KDM4C: variants seen among roughly 807,000 people sequenced by gnomAD.
The protein encoded by KDM4C is lysine demethylase 4C, also known as lysine-specific demethylase 4C.
Under a neutral mutation model 129.3 loss-of-function variants are expected in KDM4C, and 81 were observed. The observed-to-expected ratio is 0.63, with a 90% CI of 0.52 to 0.75. The LOEUF is 0.75. Ranked by LOEUF, KDM4C falls within the 30% of genes least tolerant of loss-of-function variation. KDM4C has a pLI of 0.00. For missense variants in KDM4C, 1,457 were observed against 1,304.0 expected, an observed-to-expected ratio of 1.12 and a Z score of -1.81; for synonymous variants, 573 against 456.1, an observed-to-expected ratio of 1.26 and a Z score of -3.26.
chr9:7,012,028 A>G (rs1822808140), intron 13 of KDM4C, 149 bp downstream of exon 13: 1 of 623,374 alleles, frequency 1.6e-6, no homozygotes, highest in Non-Finnish European at 2.8e-6. Flanking sequence ...AGAACCACAA[A>G]CAGTTTCTAC....
chr9:6,871,336 T>G (rs544823405), intron 5 of KDM4C, among the ~76,000 whole-genome samples: 1 of 152,364 alleles, frequency 6.6e-6, no homozygotes, highest in African/African-American at 2.4e-5. Context: ...GGGCTATATC[T>G]GTTTATGTTT....
intron 5 of KDM4C, among the ~76,000 whole-genome samples, chr9:6,867,725 G>A (rs1842261840): frequency 6.6e-6 from 1 of 152,116 alleles, no homozygotes; most frequent in African/African-American, 2.4e-5. Flanking sequence ...CCTGTGTCAG[G>A]TATTGAGCTA....
intron 5 of KDM4C, among the ~76,000 whole-genome samples, chr9:6,854,538 A>AC (rs946906350): frequency 9.6e-5 from 14 of 146,096 alleles, no homozygotes; most frequent in African/African-American, 3.7e-4. Flanking sequence ...AAAAAAAAAA[A>AC]AAAAAAACAA....
intron 8 of KDM4C, among the ~76,000 whole-genome samples, chr9:6,913,427 A>C (rs1381390100): frequency 6.6e-6 from 1 of 152,246 alleles, no homozygotes; most frequent in Non-Finnish European, 1.5e-5. Flanking sequence ...CTAGTTTGCA[A>C]AATGGGCTTT....
chr9:7,120,532 T>A (rs1839379902), intron 18 of KDM4C, among the ~76,000 whole-genome samples: 1 of 152,182 alleles, frequency 6.6e-6, no homozygotes, highest in Non-Finnish European at 1.5e-5. Flanking sequence ...TAGTAATGAA[T>A]TCCAAAAAGA....
chr9:6,777,175 G>A (rs934164019), intron 1 of KDM4C, among the ~76,000 whole-genome samples: 76 of 152,164 alleles, frequency 5.0e-4, no homozygotes, highest in African/African-American at 1.7e-3. Flanking sequence ...AATTTAGGCA[G>A]CTATCTGGGA....
chr9:7,122,265 A>ACACTCTCTCTCT (rs375655422), intron 18 of KDM4C, among the ~76,000 whole-genome samples: 3 of 144,822 alleles, frequency 2.1e-5, no homozygotes, highest in African/African-American at 7.8e-5. Flanking sequence ...ACACACACAC[A>ACACTCTCTCTCT]CTCTCTCTCT....
intron 18 of KDM4C, among the ~76,000 whole-genome samples, chr9:7,119,744 A>G (rs1839295342): frequency 6.6e-6 from 1 of 152,166 alleles, no homozygotes; most frequent in Admixed American, 6.5e-5. Context: ...GTAGGGCTTC[A>G]CAAAGTAGCC....
chr9:6,993,709 A>G (rs543776274), intron 12 of KDM4C, among the ~76,000 whole-genome samples: 5 of 152,248 alleles, frequency 3.3e-5, no homozygotes, highest in South Asian at 2.1e-4. Flanking sequence ...AACGTACTAG[A>G]TGTGATGAAC....
chr9:6,904,531 C>T (rs1437174772), intron 8 of KDM4C, among the ~76,000 whole-genome samples: 1 of 151,694 alleles, frequency 6.6e-6, no homozygotes, highest in Non-Finnish European at 1.5e-5. Flanking sequence ...TGTTTGCATT[C>T]CCTGGGTGCA....
At chr9:6,988,141 TGA>T (rs1330985137) in intron 11 of KDM4C, among the ~76,000 whole-genome samples, 3 of 116,782 alleles carry the variant, frequency 2.6e-5, no homozygotes, top group African/African-American at 1.0e-4. Flanking sequence ...GGTGACAGAG[TGA>T]GAGACCCTGT....
chr9:7,092,707 T>C (rs1025973237), intron 17 of KDM4C, among the ~76,000 whole-genome samples: 7 of 152,136 alleles, frequency 4.6e-5, no homozygotes, highest in Non-Finnish European at 8.8e-5. Flanking sequence ...GACTGGGTAA[T>C]CTTCATCTTT....
At chr9:6,927,446 T>G (rs1051663755) in intron 8 of KDM4C, among the ~76,000 whole-genome samples, 1 of 152,202 alleles carries the variant, frequency 6.6e-6, no homozygotes, top group African/African-American at 2.4e-5. Flanking sequence ...TTCTAACATT[T>G]ATTCCATATA....
At chr9:7,052,537 G>C (rs1830288134) in intron 17 of KDM4C, among the ~76,000 whole-genome samples, 1 of 152,118 alleles carries the variant, frequency 6.6e-6, no homozygotes, top group African/African-American at 2.4e-5. Flanking sequence ...TCACACACAT[G>C]TCTGCATATT....
chr9:6,905,769 T>C (rs1024461011), intron 8 of KDM4C, among the ~76,000 whole-genome samples: 8 of 152,162 alleles, frequency 5.3e-5, no homozygotes, highest in Admixed American at 2.0e-4. Flanking sequence ...GTTATTGAGA[T>C]GGAAGGTGTC....
intron 15 of KDM4C, among the ~76,000 whole-genome samples, chr9:7,045,353 ACATCTTCATGTAT>A (rs1759227354): frequency 1.3e-5 from 2 of 152,032 alleles, no homozygotes; most frequent in Admixed American, 6.6e-5. Context: ...TTTGAAACTA[ACATCTTCATGTAT>A]ACAACGAAAG....
intron 1 of KDM4C, among the ~76,000 whole-genome samples, chr9:6,722,239 TG>T (rs1816979166): frequency 6.6e-6 from 1 of 152,136 alleles, no homozygotes; most frequent in Admixed American, 6.6e-5. Flanking sequence ...GATCTTGTAG[TG>T]CATGTTCTTG....
At position 7,074,014 on chromosome 9, in the gene KDM4C, C is replaced by A. The variant is rs114789711; in HGVS notation, c.2424+24814C>A. On this transcript the variant is annotated intron_variant, in intron 17 of 21. Transcript: ENST00000381309. ...TAGCATTGACAGCTTTTAAAAAAGA[C>A]AGTTCTAGACAGGAATTTGCTATCT... Among the ~76,000 whole-genome samples, 1,165 of 152,264 alleles carry A rather than the reference C, an allele frequency of 7.7e-3. 21 individuals are homozygous for A. Among genetic ancestry groups the A allele is most frequent in the African/African-American group, 0.026 (1,084 of 41,548 alleles).
intron 1 of KDM4C, among the ~76,000 whole-genome samples, chr9:6,759,450 T>C (rs1225651009): frequency 6.6e-6 from 1 of 152,184 alleles, no homozygotes; most frequent in Non-Finnish European, 1.5e-5. Flanking sequence ...TTTCTTACCT[T>C]GCTGGCCTCC....
Sources: gnomAD v4.1 joint callset for allele counts (sites outside exome capture counted in the v4.1 genomes callset) on GRCh38, gnomAD v4.1.1 for gene constraint, MANE v1.5 for transcripts, NCBI Gene and HGNC (gene_info 2026-07-23, HGNC 2026-07-21) for gene names.